The following LRBA variants were observed in gnomAD, a reference collection of about 807,000 sequenced individuals.
LRBA encodes lipopolysaccharide-responsive and beige-like anchor protein.
LRBA carries 176 observed loss-of-function variants against 330.0 expected under a neutral mutation model. That is an observed-to-expected ratio of 0.53 (90% CI 0.47 to 0.60). LRBA has a LOEUF of 0.60. Among genes scored for constraint, LRBA ranks in the 20% least tolerant of loss-of-function variants. The pLI is 0.00. For synonymous variants in LRBA, 1,230 were observed against 1,193.0 expected (o/e 1.03, Z -0.64); for missense variants, 3,259 against 3,444.8 (o/e 0.95, Z 1.35).
chr4:150,789,512 G>A (rs757410196), intron 34 of LRBA, among the ~76,000 whole-genome samples: 10 of 151,838 alleles, frequency 6.6e-5, no homozygotes, highest in Non-Finnish European at 1.2e-4. Context: ...TAATTTTATC[G>A]CAGCACTAAG....
chr4:150,538,721 G>A (rs1202686891), intron 40 of LRBA, among the ~76,000 whole-genome samples: 1 of 151,480 alleles, frequency 6.6e-6, no homozygotes, highest in African/African-American at 2.4e-5. Flanking sequence ...AACACTTTGG[G>A]AGGCTGAGGC....
chr4:150,349,983 A>C lies in LRBA; in HGVS notation c.7362+9T>G, dbSNP rs764104116. On this transcript the variant is annotated intron_variant, in intron 48 of 56. Transcript: ENST00000651943. ...ACTATAAGTTGCTTTCTCAATTCAG[A>C]TAACTTACCTCTCTCAACACAGGAT... is the stretch of plus-strand genomic sequence containing the variant. The C allele has an allele frequency of 3.7e-6, 6 of 1,612,878 alleles. No individual in the cohort carries two copies. The Admixed American group carries it at 1.0e-4, about 27-fold the overall frequency.
At chr4:150,520,456 CTAAG>C (rs1762804362) in intron 40 of LRBA, among the ~76,000 whole-genome samples, 2 of 151,612 alleles carry the variant, frequency 1.3e-5, no homozygotes, top group South Asian at 2.1e-4. Context: ...CAAATTATTC[CTAAG>C]TATTTTATGT....
At chr4:150,951,425 G>C (rs1160180940) in intron 2 of LRBA, among the ~76,000 whole-genome samples, 1 of 150,910 alleles carries the variant, frequency 6.6e-6, no homozygotes, top group Non-Finnish European at 1.5e-5. Context: ...TGAAATAAAA[G>C]TGACACATTC....
At chr4:150,980,546 G>C (rs971924738) in intron 2 of LRBA, among the ~76,000 whole-genome samples, 8 of 152,092 alleles carry the variant, frequency 5.3e-5, no homozygotes, top group African/African-American at 1.9e-4. Flanking sequence ...AGGGGAGAGG[G>C]GGCTGAGGCA....
intron 44 of LRBA, among the ~76,000 whole-genome samples, chr4:150,439,784 G>A (rs1021157578): frequency 2.0e-5 from 3 of 152,226 alleles, no homozygotes; most frequent in Non-Finnish European, 4.4e-5. Flanking sequence ...TTCCTCAGCA[G>A]CTTCATAATA....
intron 37 of LRBA, among the ~76,000 whole-genome samples, chr4:150,635,794 C>T (rs1197467283): frequency 2.0e-5 from 3 of 152,062 alleles, no homozygotes; most frequent in African/African-American, 7.2e-5. Context: ...TACTAATTAC[C>T]CCAGTAATCC....
intron 53 of LRBA, among the ~76,000 whole-genome samples, chr4:150,292,233 T>G (rs182993454): frequency 1.3e-5 from 2 of 152,330 alleles, no homozygotes; most frequent in African/African-American, 2.4e-5. Flanking sequence ...GAAGAATATT[T>G]CATAAGGCCT....
chr4:150,570,506 G>A (rs1402595859), intron 40 of LRBA, among the ~76,000 whole-genome samples: 2 of 152,010 alleles, frequency 1.3e-5, no homozygotes, highest in African/African-American at 4.8e-5. Context: ...CCTTCTGAAA[G>A]GTCTTACACT....
chr4:150,434,800 T>C (rs1750889137), intron 46 of LRBA, among the ~76,000 whole-genome samples: 1 of 150,254 alleles, frequency 6.7e-6, no homozygotes, highest in Admixed American at 6.7e-5. Flanking sequence ...GAGGCTACAG[T>C]GAATTGTGAT....
At chr4:150,381,069 G>A (rs1043491753) in intron 47 of LRBA, among the ~76,000 whole-genome samples, 3 of 149,828 alleles carry the variant, frequency 2.0e-5, no homozygotes, top group Admixed American at 6.7e-5. Context: ...TCAACAAGCC[G>A]AATTTAAGTG....
intron 53 of LRBA, among the ~76,000 whole-genome samples, chr4:150,289,879 T>A (rs1015895668): frequency 2.6e-5 from 4 of 152,216 alleles, no homozygotes; most frequent in Admixed American, 1.3e-4. Flanking sequence ...CTGTTTAAGT[T>A]CAATGGACAT....
intron 30 of LRBA, among the ~76,000 whole-genome samples, chr4:150,821,740 T>C (rs1745474383): frequency 6.6e-6 from 1 of 152,116 alleles, no homozygotes. Context: ...GCCAAACCAG[T>C]CCTTGAACTT....
intron 2 of LRBA, among the ~76,000 whole-genome samples, chr4:151,008,325 C>T (rs1388732140): frequency 6.6e-6 from 1 of 152,082 alleles, no homozygotes; most frequent in African/African-American, 2.4e-5. Context: ...AGGTGATCCA[C>T]CTGCCTCAGC....
intron 34 of LRBA, among the ~76,000 whole-genome samples, chr4:150,769,071 G>C (rs909669371): frequency 8.6e-5 from 13 of 151,330 alleles, no homozygotes; most frequent in Middle Eastern, 3.2e-3. Flanking sequence ...CGAGTAGCTA[G>C]GACTACAGGT....
chr4:150,819,389 C>T (rs1399142321), intron 30 of LRBA, among the ~76,000 whole-genome samples: 1 of 151,334 alleles, frequency 6.6e-6, no homozygotes, highest in South Asian at 2.1e-4. Context: ...CACTTAAGAC[C>T]TGTGTCTTTC....
chr4:150,952,014 T>G (rs960310196), intron 2 of LRBA, among the ~76,000 whole-genome samples: 1 of 152,232 alleles, frequency 6.6e-6, no homozygotes, highest in African/African-American at 2.4e-5. Flanking sequence ...ATATCACACC[T>G]TGCTGTTTGC....
intron 37 of LRBA, among the ~76,000 whole-genome samples, chr4:150,673,985 C>G (rs1031670248): frequency 1.3e-5 from 2 of 152,092 alleles, no homozygotes; most frequent in African/African-American, 4.8e-5. Flanking sequence ...TTTATTATAA[C>G]AAGCTGCCAT....
intron 49 of LRBA, among the ~76,000 whole-genome samples, chr4:150,322,560 T>C (rs1240257535): frequency 1.3e-5 from 2 of 152,232 alleles, no homozygotes; most frequent in African/African-American, 2.4e-5. Flanking sequence ...TATTCAGAAC[T>C]GGTAATAAAA....
Sources: allele counts gnomAD v4.1 joint callset (sites outside exome capture counted in the v4.1 genomes callset), GRCh38; gene constraint gnomAD v4.1.1; transcripts MANE v1.5; gene names NCBI Gene and HGNC (gene_info 2026-07-23, HGNC 2026-07-21).